NCAPD3: variants seen among roughly 807,000 people sequenced by gnomAD.
NCAPD3 encodes condensin-2 complex subunit D3.
A neutral mutation model predicts 182.9 loss-of-function variants in NCAPD3; 105 were observed. That is an observed-to-expected ratio of 0.57 (90% CI 0.49 to 0.68). NCAPD3 has a LOEUF of 0.68. Ranked by LOEUF, NCAPD3 falls within the 30% of genes least tolerant of loss-of-function variation. NCAPD3 has a pLI of 0.00. For synonymous variants in NCAPD3, 815 were observed against 679.9 expected (o/e 1.20, Z -3.09); for missense variants, 1,944 against 1,837.0 (o/e 1.06, Z -1.07).
Position 134,158,539 on chromosome 11 carries a change from A to G in NCAPD3, c.3868-44T>C, listed in dbSNP as rs748819052. 5 of 1,578,696 alleles carry G rather than the reference A, an allele frequency of 3.2e-6. No homozygotes were observed. The Admixed American group carries it at 8.4e-5, about 27-fold the overall frequency. On this transcript the variant is annotated intron_variant, in intron 29 of 34. Transcript: ENST00000534548. ...AGTATGTACATTCTAATACTTTTTA[A>G]GTTTTCAAAAACGGATATATGATAG...
intron 1 of NCAPD3, chr11:134,223,114 T>C (rs1938298037): frequency 5.5e-6 from 2 of 365,538 alleles, no homozygotes; most frequent in Non-Finnish European, 1.0e-5. Context: ...ATGCCAAGGA[T>C]GTGGTCATTT....
intron 2 of NCAPD3, among the ~76,000 whole-genome samples, chr11:134,219,426 T>C (rs1489716307): frequency 6.6e-6 from 1 of 152,172 alleles, no homozygotes; most frequent in Non-Finnish European, 1.5e-5. Context: ...TGTTCAAATG[T>C]CCACTCTTCC....
intron 16 of NCAPD3, among the ~76,000 whole-genome samples, 190 bp downstream of exon 16, chr11:134,192,499 A>G (rs1254238512): frequency 6.6e-6 from 1 of 152,268 alleles, no homozygotes; most frequent in Non-Finnish European, 1.5e-5. Flanking sequence ...AACAGGTGTC[A>G]CAAACATACA....
At chr11:134,196,196 CA>C (rs1318926347) in intron 13 of NCAPD3, among the ~76,000 whole-genome samples, 7 of 152,028 alleles carry the variant, frequency 4.6e-5, no homozygotes, top group Admixed American at 2.0e-4. Context: ...AAAAGGATTA[CA>C]AAGGAATACT....
chr11:134,220,444 C>A (rs1439880287), intron 2 of NCAPD3, 128 bp downstream of exon 2: 1 of 802,142 alleles, frequency 1.2e-6, no homozygotes, highest in Non-Finnish European at 1.9e-6. Flanking sequence ...TAACCACATT[C>A]TTTATGTTAC....
chr11:134,208,863 C>T lies in NCAPD3; in HGVS notation c.882+1G>A, dbSNP rs1324474521. Reference sequence around the variant, plus strand: ...CCAAATTAGGTTCTCATCTCCTTTACCTTATCTCCTTCTCCATGAATGGGA... The same window carrying T: ...CCAAATTAGGTTCTCATCTCCTTTATCTTATCTCCTTCTCCATGAATGGGA... On this transcript the variant is annotated splice_donor_variant, in intron 7 of 34. Transcript: ENST00000534548. LOFTEE classifies it high-confidence loss of function. 5.6e-6 allele frequency: 9 copies of T among 1,608,134 alleles called. No homozygotes were observed. The highest frequency in any genetic ancestry group is 7.7e-6 in the Non-Finnish European group (9 of 1,175,916).
In NCAPD3 at chr11:134,204,762, C is replaced by A; in HGVS notation, c.1089+137G>T. 1 of 658,982 alleles carries A rather than the reference C, an allele frequency of 1.5e-6. No homozygotes were observed. The allele number at this position is 658,982 out of a possible 1,614,324, so 40.8% of individuals were successfully genotyped here. ...TTTGTCTAGGGGACCATCTAGTGAA[C>A]ATTAAATAAAACCACTTTAAGTAAC... is the stretch of plus-strand genomic sequence containing the variant. On this transcript the variant is annotated intron_variant, in intron 9 of 34. Transcript: ENST00000534548. The surrounding 1 kb of genome is among the most constrained non-coding windows in gnomAD (Gnocchi z 4.3).
chr11:134,155,936 A>C (rs1160165924), intron 32 of NCAPD3, among the ~76,000 whole-genome samples: 3 of 152,128 alleles, frequency 2.0e-5, no homozygotes, highest in Non-Finnish European at 2.9e-5. Flanking sequence ...CTATTCTAAG[A>C]GATCACAGCA....
intron 24 of NCAPD3, among the ~76,000 whole-genome samples, chr11:134,171,858 G>A (rs543126758): frequency 3.3e-5 from 5 of 152,108 alleles, no homozygotes; most frequent in Admixed American, 1.3e-4. Context: ...CTCCCAAGGG[G>A]AGGCTGCTTC....
rs1858118151 is a variant in NCAPD3 at position 134,158,041 on chromosome 11, A to T, written c.4061T>A (p.Ile1354Asn). The T allele has an allele frequency of 6.2e-7, 1 of 1,613,978 alleles. No homozygotes were observed. The highest frequency in any genetic ancestry group is 1.7e-5 in the Admixed American group (1 of 60,006). ...ARPMSLSTIA[I>N]LNSVKKAVES... ...CACGGCTTTCTTGACAGAATTCAGG[A>T]TTGCAATGGTGCTCAGGGACATGGG... The change falls in exon 31 of 35, where the codon ATC becomes AAC. Residue 1354 changes from isoleucine (I) to asparagine (N), a missense_variant. Physicochemically the swap from Ile to Asn is moderately radical, Grantham distance 149 (BLOSUM62 -3). Transcript: ENST00000534548.
intron 16 of NCAPD3, among the ~76,000 whole-genome samples, chr11:134,188,515 T>C (rs1183269115): frequency 6.6e-6 from 1 of 152,240 alleles, no homozygotes; most frequent in African/African-American, 2.4e-5. Flanking sequence ...CCACACTGCC[T>C]TTATGAACTG....
chr11:134,175,705 C>T (rs1366808017), intron 24 of NCAPD3, among the ~76,000 whole-genome samples: 1 of 152,006 alleles, frequency 6.6e-6, no homozygotes, highest in Non-Finnish European at 1.5e-5. Flanking sequence ...TCTAGGGTAG[C>T]AAATTCTATC....
rs1207440532 is a variant in NCAPD3, at chr11:134,179,448, T to C, written c.2560-512A>G. ...ATGTATGACACATATGTTTAATGAC[T>C]ACATAAGTATATGCCATTTCAAAAC... On this transcript the variant is annotated intron_variant, in intron 20 of 34. Coordinates refer to ENST00000534548, the MANE Select transcript of NCAPD3 (RefSeq NM_015261.3). 2.0e-5 allele frequency among the ~76,000 whole-genome samples: 3 copies of C among 152,260 alleles called. No homozygotes were observed. In the East Asian group the frequency reaches 5.8e-4, roughly 29 times the overall value.
chr11:134,163,850 C>T (rs1195557155), intron 27 of NCAPD3, among the ~76,000 whole-genome samples: 37 of 123,648 alleles, frequency 3.0e-4, no homozygotes, highest in Middle Eastern at 5.3e-3. Context: ...CCAGCCTGGG[C>T]GACGCAGTGA....
chr11:134,178,525 G>A (rs1399501324), intron 22 of NCAPD3, 109 bp downstream of exon 22: 9 of 823,182 alleles, frequency 1.1e-5, no homozygotes, highest in Non-Finnish European at 1.7e-5. Flanking sequence ...GCTGAGAGCA[G>A]ACACAGACAG....
At chr11:134,187,982 T>C (rs577596343) in intron 16 of NCAPD3, among the ~76,000 whole-genome samples, 1 of 152,250 alleles carries the variant, frequency 6.6e-6, no homozygotes, top group Non-Finnish European at 1.5e-5. Context: ...TTTACAGAGG[T>C]GATGAAGTTA....
intron 3 of NCAPD3, among the ~76,000 whole-genome samples, chr11:134,212,375 T>TTGTGTGTGTGTGTGTG (rs56807520): frequency 0.015 from 2,120 of 143,232 alleles, 39 homozygotes; most frequent in East Asian, 0.049. Context: ...TTTTGTTGTT[T>TTGTGTGTGTGTGTGTG]TGTGTGTGTG....
At chr11:134,217,291 AC>A (rs1938064926) in intron 2 of NCAPD3, among the ~76,000 whole-genome samples, 193 bp from the exon 3 acceptor site, 1 of 152,254 alleles carries the variant, frequency 6.6e-6, no homozygotes, top group African/African-American at 2.4e-5. Context: ...ATTCAAAATT[AC>A]CAAGATAAAT....
Position 134,158,460 on chromosome 11 carries a change from A to T in NCAPD3, c.3903T>A (p.Ala1301=), listed in dbSNP as rs1565516819. Reference sequence around the variant, plus strand: ...GTGACATGGCAGGGTTTTCTTGGCCAGCAGGAACTGGCACTGTTTCTAAAC... The same window carrying T: ...GTGACATGGCAGGGTTTTCTTGGCCTGCAGGAACTGGCACTGTTTCTAAAC... ...ALCLETVPVP[A]GQENPAMSPA... The change falls in exon 30 of 35, where the codon GCT becomes GCA. Residue 1301 remains alanine (A), a synonymous_variant. Transcript: ENST00000534548. The T allele has an allele frequency of 6.2e-7, 1 of 1,614,150 alleles. No homozygotes were observed.
Sources: gnomAD v4.1 joint callset for allele counts (sites outside exome capture counted in the v4.1 genomes callset) on GRCh38, gnomAD v4.1.1 for gene constraint, Gnocchi (gnomAD v3.1) non-coding constraint, MANE v1.5 for transcripts, NCBI Gene and HGNC (gene_info 2026-07-23, HGNC 2026-07-21) for gene names.